CDH11: variants seen among roughly 807,000 people sequenced by gnomAD.
CDH11 encodes cadherin-11.
CDH11 carries 11 observed loss-of-function variants against 67.8 expected under a neutral mutation model. The ratio of observed to expected loss-of-function variants is 0.16; its 90% CI spans 0.10 to 0.27. The LOEUF is 0.27. CDH11 is among the 10% of genes least tolerant of loss of function. The probability of loss-of-function intolerance (pLI) is 1.00; values close to 1 mark genes in which losing one functional copy is unlikely to be tolerated. For missense variants in CDH11, 847 were observed against 1,031.2 expected, an observed-to-expected ratio of 0.82 and a Z score of 2.45; for synonymous variants, 419 against 400.0, an observed-to-expected ratio of 1.05 and a Z score of -0.57.
intron 1 of CDH11, among the ~76,000 whole-genome samples, chr16:65,057,340 C>T (rs1295448395): frequency 6.6e-6 from 1 of 152,232 alleles, no homozygotes; most frequent in Non-Finnish European, 1.5e-5. Flanking sequence ...TGCACACCAT[C>T]ATGGGCTGTC....
intron 1 of CDH11, among the ~76,000 whole-genome samples, chr16:65,079,889 A>C (rs983745270): frequency 6.6e-6 from 1 of 152,198 alleles, no homozygotes; most frequent in Non-Finnish European, 1.5e-5. Flanking sequence ...TCTCCTGGAA[A>C]CATCTCTTTT....
At chr16:64,977,727 C>G (rs889991074) in intron 8 of CDH11, among the ~76,000 whole-genome samples, 1 of 152,140 alleles carries the variant, frequency 6.6e-6, no homozygotes, top group South Asian at 2.1e-4. Context: ...TACTGACTGT[C>G]CACGTGACTT....
At chr16:65,065,244 T>A (rs75895716) in intron 1 of CDH11, among the ~76,000 whole-genome samples, 14,649 of 152,216 alleles carry the variant, frequency 0.096, 1,114 homozygotes, top group East Asian at 0.22. Flanking sequence ...ACTCTCCACC[T>A]CATGCCCCTC....
At chr16:65,069,505 C>A (rs1597155811) in intron 1 of CDH11, among the ~76,000 whole-genome samples, 1 of 152,130 alleles carries the variant, frequency 6.6e-6, no homozygotes, top group African/African-American at 2.4e-5. Context: ...AACATAGACA[C>A]CTGAGCTGGC....
chr16:65,054,195 T>A (rs1356743965), intron 1 of CDH11, among the ~76,000 whole-genome samples: 1 of 152,210 alleles, frequency 6.6e-6, no homozygotes, highest in Non-Finnish European at 1.5e-5. Flanking sequence ...TACACACAAC[T>A]TCTTATAACA....
intron 1 of CDH11, among the ~76,000 whole-genome samples, chr16:65,083,114 T>C (rs977088372): frequency 1.3e-5 from 2 of 152,196 alleles, no homozygotes; most frequent in African/African-American, 4.8e-5. Context: ...GAAATGACTT[T>C]TTTTCTATTT....
chr16:65,033,785 G>A (rs1017106901), intron 2 of CDH11, among the ~76,000 whole-genome samples: 2 of 112,708 alleles, frequency 1.8e-5, no homozygotes, highest in African/African-American at 2.9e-5. Context: ...CACCAGTACT[G>A]TGAGGGTCTA....
intron 1 of CDH11, chr16:65,071,933 G>T (rs2067590012): frequency 6.6e-6 from 1 of 152,218 alleles, no homozygotes; most frequent in Non-Finnish European, 1.5e-5. Context: ...CCTTTGCTGG[G>T]ATCTATGCGC....
intron 1 of CDH11, among the ~76,000 whole-genome samples, chr16:65,066,447 C>T (rs2074314438): frequency 6.6e-6 from 1 of 152,212 alleles, no homozygotes; most frequent in Non-Finnish European, 1.5e-5. Flanking sequence ...GGTAAGATTG[C>T]TCTTTTTACA....
chr16:65,078,254 C>G (rs185483243), intron 1 of CDH11, among the ~76,000 whole-genome samples: 140 of 152,302 alleles, frequency 9.2e-4, no homozygotes, highest in African/African-American at 3.2e-3. Flanking sequence ...TGCCCTCACG[C>G]TGCTATTTCC....
intron 1 of CDH11, among the ~76,000 whole-genome samples, chr16:65,055,488 G>T (rs1405238021): frequency 6.6e-6 from 1 of 152,090 alleles, no homozygotes; most frequent in Non-Finnish European, 1.5e-5. Context: ...TTCAGAAAGG[G>T]AATGCCTATC....
chr16:65,076,692 C>A (rs143214667), intron 1 of CDH11, among the ~76,000 whole-genome samples: 2 of 148,592 alleles, frequency 1.3e-5, no homozygotes, highest in African/African-American at 2.5e-5. Flanking sequence ...CCCCACCCCC[C>A]GACAAGCCCC....
intron 6 of CDH11, chr16:64,991,403 A>T: frequency 5.3e-6 from 1 of 187,036 alleles, no homozygotes; most frequent in Non-Finnish European, 1.1e-5. Context: ...GTTACACAGT[A>T]ATTGATAACT....
Position 64,944,153 on chromosome 16 carries a change from G to A in CDH11, c.*3450C>T, listed in dbSNP as rs1273367411. 1 of 232,776 alleles carries A rather than the reference G, an allele frequency of 4.3e-6. No homozygotes were observed. Among genetic ancestry groups the A allele is most frequent in the East Asian group, 6.0e-5 (1 of 16,532 alleles). 14.4% of individuals were successfully genotyped at this position (232,776 alleles called of 1,614,324 possible). ...ATCAGAATTCATTTTAAGTCTTTGGGAAGCCAGTGAAGAGGTTTAAGTTAC... is the reference window on the plus strand; with the variant it reads ...ATCAGAATTCATTTTAAGTCTTTGGAAAGCCAGTGAAGAGGTTTAAGTTAC... On this transcript the variant is annotated 3_prime_UTR_variant, in exon 13 of 13. Coordinates refer to ENST00000268603, the MANE Select transcript of CDH11 (RefSeq NM_001797.4).
At chr16:64,989,030 G>T (rs557721390) in intron 6 of CDH11, among the ~76,000 whole-genome samples, 10 of 152,168 alleles carry the variant, frequency 6.6e-5, no homozygotes, top group Admixed American at 5.9e-4. Flanking sequence ...TGTTTTGTTT[G>T]CTTGTTTTGT....
chr16:64,950,544 A>C (rs1170865947), intron 12 of CDH11, among the ~76,000 whole-genome samples: 2 of 152,110 alleles, frequency 1.3e-5, no homozygotes, highest in Non-Finnish European at 2.9e-5. Context: ...GCTGGAACTC[A>C]GTTGTCTGCT....
chr16:64,946,537 G>C lies in CDH11; in HGVS notation c.*1066C>G. On this transcript the variant is annotated 3_prime_UTR_variant, in exon 13 of 13. Transcript: ENST00000268603. ...CACATCCTTCTTTTTTAGAAGATGT[G>C]TGTGAAGAGAAGCCAGGAGGTTAAC... The C allele has an allele frequency of 9.7e-7, 1 of 1,031,644 alleles. No individual in the cohort carries two copies. Among genetic ancestry groups the C allele is most frequent in the Non-Finnish European group, 1.2e-6 (1 of 857,724 alleles). The allele number at this position is 1,031,644 out of a possible 1,614,324, so 63.9% of individuals were successfully genotyped here. A position where few individuals can be genotyped will look rare whatever the true frequency, so the allele number is the denominator to read the frequency against.
At chr16:65,045,266 GT>G (rs2142686121) in intron 2 of CDH11, among the ~76,000 whole-genome samples, 1 of 141,196 alleles carries the variant, frequency 7.1e-6, no homozygotes, top group African/African-American at 2.7e-5. Flanking sequence ...ATTTAAAGAG[GT>G]ATCTTCTCAC....
In CDH11 at chr16:64,943,878, G is replaced by A. The variant is rs2093733277; in HGVS notation, c.*3725C>T. 1 of 228,662 alleles carries A rather than the reference G, an allele frequency of 4.4e-6. No homozygotes were observed. The highest frequency in any genetic ancestry group is 2.2e-5 in the African/African-American group (1 of 45,116). 14.2% of individuals were successfully genotyped at this position (228,662 alleles called of 1,614,324 possible). A position where few individuals can be genotyped will look rare whatever the true frequency, so the allele number is the denominator to read the frequency against. On this transcript the variant is annotated 3_prime_UTR_variant, in exon 13 of 13. Coordinates refer to ENST00000268603, the MANE Select transcript of CDH11 (RefSeq NM_001797.4). ...GCCCTCATGGAGCTTACATTCTAGT[G>A]GGGCAGTCAGTCCCACCCACCCACA...
Sources: allele counts gnomAD v4.1 joint callset (sites outside exome capture counted in the v4.1 genomes callset), GRCh38; gene constraint gnomAD v4.1.1; transcripts MANE v1.5; gene names NCBI Gene and HGNC (gene_info 2026-07-23, HGNC 2026-07-21).